The following RBMS3 variants were observed in gnomAD, a reference collection of about 807,000 sequenced individuals.
RBMS3 encodes the protein RNA binding motif single stranded interacting protein 3.
RBMS3 carries 27 observed loss-of-function variants against 66.8 expected under a neutral mutation model. That is an observed-to-expected ratio of 0.40 (90% confidence interval 0.30 to 0.56). The LOEUF (loss-of-function observed/expected upper bound fraction) is 0.56. Ranked by LOEUF, RBMS3 falls within the 20% of genes least tolerant of loss-of-function variation. The pLI is 0.40. For missense variants in RBMS3, 513 were observed against 549.5 expected, an observed-to-expected ratio of 0.93 and a Z score of 0.66; for synonymous variants, 188 against 183.0, an observed-to-expected ratio of 1.03 and a Z score of -0.22.
At chr3:29,961,374 A>G (rs1696432984) in intron 12 of RBMS3, among the ~76,000 whole-genome samples, 1 of 152,112 alleles carries the variant, frequency 6.6e-6, no homozygotes, top group Admixed American at 6.6e-5. Flanking sequence ...AGTTTCCCAC[A>G]TCTTCCTGTC....
At chr3:29,650,180 CAGAAA>C (rs1338160527) in intron 4 of RBMS3, among the ~76,000 whole-genome samples, 1 of 151,774 alleles carries the variant, frequency 6.6e-6, no homozygotes, top group East Asian at 1.9e-4. Flanking sequence ...ATTTTACAAA[CAGAAA>C]AGAAAACACC....
intron 4 of RBMS3, among the ~76,000 whole-genome samples, chr3:29,710,099 AC>A (rs1452578462): frequency 2.6e-5 from 4 of 152,228 alleles, no homozygotes; most frequent in African/African-American, 9.6e-5. Context: ...TGGTTGATAC[AC>A]ATACGATAAT....
At chr3:29,574,828 AACACACACAC>A (rs201818764) in intron 3 of RBMS3, among the ~76,000 whole-genome samples, 43 of 146,942 alleles carry the variant, frequency 2.9e-4, no homozygotes, top group East Asian at 2.6e-3. Flanking sequence ...TGCATAAGAA[AACACACACAC>A]ACACACACAC....
chr3:29,527,181 T>TAAA (rs538907247), intron 3 of RBMS3, among the ~76,000 whole-genome samples: 18 of 87,826 alleles, frequency 2.0e-4, no homozygotes, highest in Non-Finnish European at 3.5e-4. Flanking sequence ...TTAGGTAGAG[T>TAAA]AAAAAAAAAA....
intron 3 of RBMS3, among the ~76,000 whole-genome samples, chr3:29,503,820 T>C (rs1576035764): frequency 1.3e-5 from 2 of 152,086 alleles, no homozygotes; most frequent in African/African-American, 4.8e-5. Context: ...GTGGAAAAAA[T>C]AACATCCTAT....
At chr3:29,953,459 A>G (rs1695815381) in intron 12 of RBMS3, among the ~76,000 whole-genome samples, 1 of 151,968 alleles carries the variant, frequency 6.6e-6, no homozygotes, top group African/African-American at 2.4e-5. Context: ...CTTCCAGCTA[A>G]TTAAAGGTTA....
intron 4 of RBMS3, among the ~76,000 whole-genome samples, chr3:29,588,487 A>C (rs533709306): frequency 3.5e-4 from 54 of 152,184 alleles, no homozygotes; most frequent in Non-Finnish European, 6.5e-4. Context: ...TAGAGGTAAG[A>C]TATTTGGTTT....
At chr3:29,970,628 A>G (rs1417497728) in intron 12 of RBMS3, among the ~76,000 whole-genome samples, 1 of 152,170 alleles carries the variant, frequency 6.6e-6, no homozygotes, top group African/African-American at 2.4e-5. Flanking sequence ...TTGAAACCAG[A>G]TGATTGTCTA....
chr3:29,362,820 G>A (rs1029374009), intron 1 of RBMS3, among the ~76,000 whole-genome samples: 2 of 152,154 alleles, frequency 1.3e-5, no homozygotes, highest in Non-Finnish European at 2.9e-5. Context: ...TAACGCTGAC[G>A]TCGAATCTAT....
At position 29,352,583 on chromosome 3, in the gene RBMS3, A is replaced by C. The variant is rs146792854; in HGVS notation, c.75+70827A>C. Among the ~76,000 whole-genome samples, 687 of 152,208 alleles carry C rather than the reference A, an allele frequency of 4.5e-3. 7 individuals are homozygous for C. The highest frequency in any genetic ancestry group is 0.015 in the African/African-American group (618 of 41,566). The stretch of plus-strand genomic sequence containing the variant: ...ATCACTTTGGGTATTTATCATTGCT[A>C]TGTGTTGGGAACAATTCAAGTTTTC... On this transcript the variant is annotated intron_variant, in intron 1 of 14. Transcript: ENST00000383767.
At chr3:29,454,682 T>C (rs967705590) in intron 2 of RBMS3, among the ~76,000 whole-genome samples, 1 of 152,220 alleles carries the variant, frequency 6.6e-6, no homozygotes, top group East Asian at 1.9e-4. Context: ...GAGTATAGTT[T>C]CAATGGTATT....
chr3:29,654,765 T>A (rs1477617517), intron 4 of RBMS3, among the ~76,000 whole-genome samples: 229 of 87,072 alleles, frequency 2.6e-3, no homozygotes, highest in African/African-American at 0.01. Context: ...AATTTTTGCG[T>A]TTTTTTTTTT....
At chr3:29,355,991 C>T (rs187049941) in intron 1 of RBMS3, among the ~76,000 whole-genome samples, 1 of 152,236 alleles carries the variant, frequency 6.6e-6, no homozygotes, top group East Asian at 1.9e-4. Flanking sequence ...ATCGCAATAA[C>T]TTAATTCTGC....
chr3:29,684,280 T>A (rs929053084), intron 4 of RBMS3, among the ~76,000 whole-genome samples: 3 of 152,218 alleles, frequency 2.0e-5, no homozygotes, highest in Non-Finnish European at 4.4e-5. Flanking sequence ...TGTATTTAAA[T>A]TTTTACTTTT....
chr3:29,428,237 T>C (rs973399888), intron 1 of RBMS3, among the ~76,000 whole-genome samples: 3 of 152,058 alleles, frequency 2.0e-5, no homozygotes, highest in African/African-American at 7.2e-5. Context: ...AGGGGGACAT[T>C]TGGCAGTATC....
chr3:29,502,186 T>C (rs2044001041), intron 3 of RBMS3, among the ~76,000 whole-genome samples: 2 of 152,088 alleles, frequency 1.3e-5, no homozygotes, highest in Non-Finnish European at 2.9e-5. Flanking sequence ...TGAAGACATG[T>C]GCATCTTCAA....
At chr3:29,320,832 T>A (rs2034963961) in intron 1 of RBMS3, among the ~76,000 whole-genome samples, 1 of 151,806 alleles carries the variant, frequency 6.6e-6, no homozygotes, top group Admixed American at 6.6e-5. Context: ...AATAGAAAGG[T>A]CAGTTAAATA....
rs192683654 is a variant in RBMS3 at position 29,795,556 on chromosome 3, G to A, written c.637+32567G>A. 5.6e-4 allele frequency among the ~76,000 whole-genome samples: 85 copies of A among 152,142 alleles called. 2 individuals carry two copies. Among genetic ancestry groups the A allele is most frequent in the Non-Finnish European group, 9.0e-4 (61 of 67,996 alleles). ...AGTTTTGTTCATTGTTATATCTCTA[G>A]CCTAAAACTGTATATCACACATAAG... On this transcript the variant is annotated intron_variant, in intron 6 of 14. Coordinates refer to ENST00000383767, the MANE Select transcript of RBMS3 (RefSeq NM_001003793.3).
chr3:29,413,671 A>G (rs1284827438), intron 1 of RBMS3, among the ~76,000 whole-genome samples: 1 of 152,200 alleles, frequency 6.6e-6, no homozygotes, highest in African/African-American at 2.4e-5. Context: ...TTTCATTCAC[A>G]TAAGACATAG....
Sources: gnomAD v4.1 joint callset for allele counts (sites outside exome capture counted in the v4.1 genomes callset) on GRCh38, gnomAD v4.1.1 for gene constraint, MANE v1.5 for transcripts, NCBI Gene and HGNC (gene_info 2026-07-23, HGNC 2026-07-21) for gene names.